TMEM132C: variants seen among roughly 807,000 people sequenced by gnomAD.
The protein encoded by TMEM132C is protein phosphatase 1, regulatory subunit 152.
In TMEM132C, 29 loss-of-function variants were observed where a neutral mutation model predicts 61.4. The observed-to-expected ratio is 0.47, with a 90% confidence interval of 0.35 to 0.64. The LOEUF (loss-of-function observed/expected upper bound fraction) is 0.64. Ranked by LOEUF, TMEM132C falls within the 30% of genes least tolerant of loss-of-function variation. The pLI, the probability that TMEM132C is intolerant of heterozygous loss-of-function variation, is 0.00. For missense variants in TMEM132C, 1,408 were observed against 1,476.9 expected (o/e 0.95, Z 0.76); for synonymous variants, 656 against 633.1 (o/e 1.04, Z -0.54).
intron 1 of TMEM132C, among the ~76,000 whole-genome samples, chr12:128,405,748 C>G (rs186469536): frequency 6.6e-6 from 1 of 152,144 alleles, no homozygotes; most frequent in East Asian, 1.9e-4. Context: ...TTAGTAAGCT[C>G]CTGGACTGAT....
At chr12:128,347,536 C>G (rs61938415) in intron 1 of TMEM132C, among the ~76,000 whole-genome samples, 1 of 152,090 alleles carries the variant, frequency 6.6e-6, no homozygotes, top group African/African-American at 2.4e-5. Context: ...TCAAGTGATT[C>G]TCCTGCCTCA....
intron 2 of TMEM132C, among the ~76,000 whole-genome samples, chr12:128,506,322 A>G (rs576126832): frequency 2.6e-5 from 4 of 152,288 alleles, no homozygotes; most frequent in African/African-American, 9.6e-5. Flanking sequence ...AACCCTATGA[A>G]CCAGAAAAAC....
intron 3 of TMEM132C, among the ~76,000 whole-genome samples, chr12:128,569,241 G>A (rs1874795924): frequency 1.3e-5 from 2 of 152,342 alleles, no homozygotes; most frequent in South Asian, 2.1e-4. Context: ...CAGCAGGGCT[G>A]GAGCAGGCCC....
chr12:128,424,719 C>T (rs996172980), intron 2 of TMEM132C, among the ~76,000 whole-genome samples: 4 of 152,098 alleles, frequency 2.6e-5, no homozygotes, highest in Non-Finnish European at 5.9e-5. Flanking sequence ...AAGTGATATC[C>T]CAAGAGATGA....
At chr12:128,389,346 T>G (rs1053311506) in intron 1 of TMEM132C, among the ~76,000 whole-genome samples, 3 of 152,074 alleles carry the variant, frequency 2.0e-5, no homozygotes, top group Non-Finnish European at 4.4e-5. Context: ...ATGAAGACAG[T>G]GCAGTGGAGG....
intron 2 of TMEM132C, among the ~76,000 whole-genome samples, chr12:128,447,788 G>A (rs1005943610): frequency 2.2e-5 from 2 of 89,826 alleles, no homozygotes; most frequent in Non-Finnish European, 4.2e-5. Flanking sequence ...CTGCAGTGGC[G>A]CAATCTCGGC....
At chr12:128,699,906 T>C (rs968933633) in intron 8 of TMEM132C, among the ~76,000 whole-genome samples, 2 of 152,188 alleles carry the variant, frequency 1.3e-5, no homozygotes, top group African/African-American at 4.8e-5. Flanking sequence ...ACTGGCTTCT[T>C]CAAGTCTTCT....
At chr12:128,492,002 C>A (rs1182256489) in intron 2 of TMEM132C, among the ~76,000 whole-genome samples, 1 of 152,116 alleles carries the variant, frequency 6.6e-6, no homozygotes, top group Non-Finnish European at 1.5e-5. Context: ...CCTCCCCACT[C>A]CCTGCACCCC....
intron 3 of TMEM132C, among the ~76,000 whole-genome samples, chr12:128,567,510 C>T (rs371070214): frequency 2.6e-5 from 4 of 151,528 alleles, no homozygotes; most frequent in South Asian, 2.1e-4. Context: ...GAGGTGACTA[C>T]GGTAATCGTT....
chr12:128,673,279 G>A (rs1356957744), intron 5 of TMEM132C, among the ~76,000 whole-genome samples: 1 of 152,236 alleles, frequency 6.6e-6, no homozygotes, highest in Non-Finnish European at 1.5e-5. Flanking sequence ...AGAGACCAGA[G>A]CTTGCTGTCT....
At chr12:128,287,751 T>A (rs1871119261) in intron 1 of TMEM132C, among the ~76,000 whole-genome samples, 2 of 152,200 alleles carry the variant, frequency 1.3e-5, no homozygotes, top group Admixed American at 1.3e-4. Flanking sequence ...GAAAACTGAT[T>A]TTTTCTGTTG....
chr12:128,427,191 A>G (rs976991160), intron 2 of TMEM132C, among the ~76,000 whole-genome samples: 2 of 152,112 alleles, frequency 1.3e-5, no homozygotes, highest in Non-Finnish European at 2.9e-5. Context: ...TCCAAAAGTC[A>G]TTAACTGAAT....
At chr12:128,405,711 A>G (rs1012047024) in intron 1 of TMEM132C, among the ~76,000 whole-genome samples, 27 of 152,198 alleles carry the variant, frequency 1.8e-4, no homozygotes, top group African/African-American at 5.5e-4. Flanking sequence ...TATTTATTAC[A>G]ATTTTAATTT....
intron 3 of TMEM132C, among the ~76,000 whole-genome samples, chr12:128,561,992 G>A (rs565584772): frequency 6.6e-6 from 1 of 152,074 alleles, no homozygotes; most frequent in Admixed American, 6.6e-5. Context: ...TGGGGTGTTG[G>A]GGGGAGTGAT....
intron 1 of TMEM132C, among the ~76,000 whole-genome samples, chr12:128,369,384 G>A (rs2102850): frequency 2.0e-5 from 3 of 152,046 alleles, no homozygotes; most frequent in South Asian, 4.2e-4. Flanking sequence ...TGAAAACATC[G>A]ATACAATGTT....
chr12:128,308,803 G>A (rs547415822), intron 1 of TMEM132C, among the ~76,000 whole-genome samples: 11 of 152,326 alleles, frequency 7.2e-5, no homozygotes, highest in South Asian at 2.1e-4. Context: ...AGCAGGAGAC[G>A]TGAGAAATCT....
intron 2 of TMEM132C, among the ~76,000 whole-genome samples, chr12:128,530,764 A>G (rs1873267175): frequency 6.6e-6 from 1 of 152,196 alleles, no homozygotes; most frequent in Non-Finnish European, 1.5e-5. Flanking sequence ...TTCTTTATAT[A>G]GTATTTTCCT....
chr12:128,667,054 A>T (rs995352968), intron 4 of TMEM132C, among the ~76,000 whole-genome samples: 2 of 152,246 alleles, frequency 1.3e-5, no homozygotes, highest in Non-Finnish European at 2.9e-5. Context: ...TGGGCGACAG[A>T]GCAAGACTCC....
chr12:128,643,915 G>T (rs1484020061), intron 4 of TMEM132C, among the ~76,000 whole-genome samples: 1 of 152,080 alleles, frequency 6.6e-6, no homozygotes, highest in African/African-American at 2.4e-5. Flanking sequence ...AAAAAGCAAG[G>T]TCTAAATATA....
Sources: gnomAD v4.1 joint callset for allele counts (sites outside exome capture counted in the v4.1 genomes callset) on GRCh38, gnomAD v4.1.1 for gene constraint, MANE v1.5 for transcripts, NCBI Gene and HGNC (gene_info 2026-07-23, HGNC 2026-07-21) for gene names.